Variants in CDH13 observed in about 807,000 individuals in gnomAD.
CDH13 encodes cadherin 13, also known as cadherin-13.
Under a neutral mutation model 63.8 loss-of-function variants are expected in CDH13, and 24 were observed. The ratio of observed to expected loss-of-function variants is 0.38; its 90% CI spans 0.27 to 0.53. The LOEUF (loss-of-function observed/expected upper bound fraction) is 0.53. Among genes scored for constraint, CDH13 ranks in the 20% least tolerant of loss-of-function variants. The pLI, the probability that CDH13 is intolerant of heterozygous loss-of-function variation, is 0.85. For synonymous variants in CDH13, 503 were observed against 355.3 expected, an observed-to-expected ratio of 1.42 and a Z score of -4.67; for missense variants, 1,049 against 903.1, an observed-to-expected ratio of 1.16 and a Z score of -2.07.
chr16:83,091,982 T>A (rs1471767550), intron 3 of CDH13, among the ~76,000 whole-genome samples: 5 of 152,186 alleles, frequency 3.3e-5, no homozygotes, highest in Non-Finnish European at 7.3e-5. Flanking sequence ...AATCTAGAAA[T>A]TTTTTTCTGT....
chr16:83,339,274 C>T (rs545009747), intron 5 of CDH13, among the ~76,000 whole-genome samples: 183 of 152,244 alleles, frequency 1.2e-3, no homozygotes, highest in African/African-American at 4.3e-3. Context: ...ATCCTCTAGA[C>T]AATATTTAGA....
intron 8 of CDH13, among the ~76,000 whole-genome samples, chr16:83,644,054 C>G (rs907060029): frequency 6.6e-6 from 1 of 152,224 alleles, no homozygotes; most frequent in African/African-American, 2.4e-5. Context: ...AGATCAGCCC[C>G]CGCCAGCTCC....
At chr16:82,627,195 C>T (rs1240123080) in intron 1 of CDH13, 58 bp downstream of exon 1, 9 of 1,484,344 alleles carry the variant, frequency 6.1e-6, no homozygotes, top group African/African-American at 5.6e-5. Context: ...TCGGATCGCC[C>T]GGCACGGGCA....
chr16:83,037,356 C>G (rs538604605), intron 3 of CDH13, among the ~76,000 whole-genome samples: 1 of 152,144 alleles, frequency 6.6e-6, no homozygotes, highest in Non-Finnish European at 1.5e-5. Flanking sequence ...GCCTAAATAC[C>G]CATTCTCCTT....
rs543348577 is a variant in CDH13 at position 83,453,663 on chromosome 16, T to C, written c.782-32814T>C. Among the ~76,000 whole-genome samples the C allele has an allele frequency of 1.3e-4, 20 of 152,264 alleles. No individual in the cohort carries two copies. The South Asian group carries it at 4.2e-3, about 32-fold the overall frequency. ...ATGGTGGGGTTCTCAGATCCTTGCA[T>C]GTACAAGGGCATTGTGAATTGGCTG... On this transcript the variant is annotated intron_variant, in intron 6 of 13. Coordinates refer to ENST00000567109, the MANE Select transcript of CDH13 (RefSeq NM_001257.5).
intron 6 of CDH13, among the ~76,000 whole-genome samples, chr16:83,447,060 A>C (rs1476736832): frequency 2.8e-5 from 4 of 141,296 alleles, no homozygotes; most frequent in African/African-American, 1.1e-4. Flanking sequence ...TCTTAAAAAA[A>C]AAAAAAAAAA....
At chr16:82,822,088 G>T (rs1170580926) in intron 1 of CDH13, among the ~76,000 whole-genome samples, 1 of 152,102 alleles carries the variant, frequency 6.6e-6, no homozygotes, top group Non-Finnish European at 1.5e-5. Flanking sequence ...TAACTTATTT[G>T]ACCTCGACAG....
Position 82,627,100 on chromosome 16 carries a change from C to T in CDH13, c.8C>T (p.Pro3Leu), listed in dbSNP as rs769826374. 2 of 1,604,394 alleles carry T rather than the reference C, an allele frequency of 1.2e-6. No individual in the cohort carries two copies. The highest frequency in any genetic ancestry group is 1.7e-5 in the Admixed American group (1 of 58,946). Reference sequence around the variant, plus strand: ...CGCTTCTAGTCGGACAAAATGCAGCCGAGAACTCCGCTCGTTCTGTGCGTT... The same window carrying T: ...CGCTTCTAGTCGGACAAAATGCAGCTGAGAACTCCGCTCGTTCTGTGCGTT... MQ[P>L]RTPLVLCVLL... is the part of the protein sequence containing the mutation. The change falls in exon 1 of 14, where the codon CCG becomes CTG. Residue 3 changes from proline to leucine, a missense_variant. By Grantham distance (98) the Pro-to-Leu change is moderately conservative. Transcript: ENST00000567109.
chr16:83,590,965 C>T (rs1330627509), intron 7 of CDH13, among the ~76,000 whole-genome samples: 1 of 136,054 alleles, frequency 7.4e-6, no homozygotes, highest in Non-Finnish European at 1.5e-5. Context: ...GGCTGGAGTG[C>T]AGTGGCGTGA....
At chr16:83,532,844 G>A (rs758277139) in intron 7 of CDH13, among the ~76,000 whole-genome samples, 16 of 152,310 alleles carry the variant, frequency 1.1e-4, no homozygotes, top group Admixed American at 2.0e-4. Flanking sequence ...TGAGCCATGC[G>A]TTGTGCCAAC....
At chr16:83,562,481 A>G (rs1466484964) in intron 7 of CDH13, among the ~76,000 whole-genome samples, 1 of 152,224 alleles carries the variant, frequency 6.6e-6, no homozygotes, top group Non-Finnish European at 1.5e-5. Context: ...GTATTTTTAG[A>G]TGTTTAATTT....
intron 1 of CDH13, among the ~76,000 whole-genome samples, chr16:82,790,060 G>A (rs2036219523): frequency 6.6e-6 from 1 of 152,102 alleles, no homozygotes; most frequent in Admixed American, 6.5e-5. Context: ...GCTATAGGGG[G>A]GTGCTGATCA....
intron 5 of CDH13, among the ~76,000 whole-genome samples, chr16:83,273,093 A>C (rs1597636655): frequency 6.6e-6 from 1 of 152,156 alleles, no homozygotes; most frequent in Admixed American, 6.5e-5. Flanking sequence ...CAAAGCTGCT[A>C]TCCATTGAGC....
intron 1 of CDH13, among the ~76,000 whole-genome samples, chr16:82,687,584 G>A (rs993065858): frequency 1.1e-4 from 17 of 152,130 alleles, no homozygotes; most frequent in African/African-American, 9.7e-5. Flanking sequence ...ATCAGATGTC[G>A]TGAGACTTAT....
intron 1 of CDH13, among the ~76,000 whole-genome samples, chr16:82,833,437 A>G (rs941895505): frequency 3.3e-5 from 5 of 152,228 alleles, no homozygotes; most frequent in Non-Finnish European, 1.5e-5. Flanking sequence ...TTGACTTCAC[A>G]GTCTAAATTC....
At chr16:83,069,993 A>G (rs1416730526) in intron 3 of CDH13, among the ~76,000 whole-genome samples, 1 of 152,214 alleles carries the variant, frequency 6.6e-6, no homozygotes, top group Non-Finnish European at 1.5e-5. Context: ...GGCCAATGGC[A>G]CTTTAAAAAT....
chr16:83,404,848 G>T (rs534868206), intron 6 of CDH13, among the ~76,000 whole-genome samples: 1 of 152,164 alleles, frequency 6.6e-6, no homozygotes, highest in Non-Finnish European at 1.5e-5. Flanking sequence ...CGGACGCCGT[G>T]TATATAGTTC....
chr16:82,667,579 G>A (rs1343104712), intron 1 of CDH13, among the ~76,000 whole-genome samples: 1 of 152,142 alleles, frequency 6.6e-6, no homozygotes, highest in Non-Finnish European at 1.5e-5. Flanking sequence ...AGGGCGGAGA[G>A]GCTCTCAGTT....
intron 7 of CDH13, among the ~76,000 whole-genome samples, chr16:83,495,412 G>C (rs117128414): frequency 0.021 from 3,231 of 152,264 alleles, 45 homozygotes; most frequent in Middle Eastern, 0.092. Context: ...TGTGGAGACT[G>C]AGGTTCTTAC....
Sources: allele counts gnomAD v4.1 joint callset (sites outside exome capture counted in the v4.1 genomes callset), GRCh38; gene constraint gnomAD v4.1.1; transcripts MANE v1.5; gene names NCBI Gene and HGNC (gene_info 2026-07-23, HGNC 2026-07-21).